Variants in USP32 observed in about 807,000 individuals in gnomAD.
USP32 encodes the protein ubiquitin specific peptidase 32.
A neutral mutation model predicts 204.8 loss-of-function variants in USP32; 59 were observed. The ratio of observed to expected loss-of-function variants is 0.29; its 90% CI spans 0.23 to 0.36. The LOEUF is 0.36. Ranked by LOEUF, USP32 falls within the 10% of genes least tolerant of loss-of-function variation. The pLI is 1.00. For synonymous variants in USP32, 517 were observed against 678.4 expected, an observed-to-expected ratio of 0.76 and a Z score of 3.70; for missense variants, 1,160 against 1,946.4, an observed-to-expected ratio of 0.60 and a Z score of 7.60.
chr17:60,382,338 T>G (rs2146116983), intron 1 of USP32, among the ~76,000 whole-genome samples: 1 of 152,206 alleles, frequency 6.6e-6, no homozygotes, highest in South Asian at 2.1e-4. Context: ...CTCTGCAAAA[T>G]TTAAAAAAAT....
intron 1 of USP32, among the ~76,000 whole-genome samples, chr17:60,362,317 C>G (rs1326967076): frequency 6.6e-6 from 1 of 152,152 alleles, no homozygotes; most frequent in South Asian, 2.1e-4. Context: ...GCTCTTTGTC[C>G]ATGAATCAAC....
intron 5 of USP32, among the ~76,000 whole-genome samples, chr17:60,288,113 CAAAAAAAAAAAAAA>C (rs1045323566): frequency 1.4e-4 from 4 of 29,454 alleles, no homozygotes; most frequent in East Asian, 1.4e-3. Flanking sequence ...GACTTCGTCT[CAAAAAAAAAAAAAA>C]AAAAAAAAAA....
At chr17:60,405,404 C>T (rs922557402) in intron 1 of USP32, among the ~76,000 whole-genome samples, 6 of 151,910 alleles carry the variant, frequency 3.9e-5, no homozygotes, top group South Asian at 2.1e-4. Flanking sequence ...GGGGTTTCAC[C>T]GTGTTGCCCA....
At chr17:60,411,336 T>C (rs568614384) in intron 1 of USP32, among the ~76,000 whole-genome samples, 8 of 146,456 alleles carry the variant, frequency 5.5e-5, no homozygotes, top group African/African-American at 2.0e-4. Context: ...AATAAATAAA[T>C]AAATAAATAA....
intron 2 of USP32, among the ~76,000 whole-genome samples, chr17:60,313,485 A>C (rs796214153): frequency 2.6e-5 from 4 of 152,148 alleles, no homozygotes; most frequent in African/African-American, 9.7e-5. Flanking sequence ...TCCAAAAAAA[A>C]TAAAGGGCCC....
At chr17:60,263,268 G>T (rs1412502640) in intron 9 of USP32, among the ~76,000 whole-genome samples, 1 of 151,998 alleles carries the variant, frequency 6.6e-6, no homozygotes, top group African/African-American at 2.4e-5. Context: ...ACATAGCCCT[G>T]ATCACACTTG....
chr17:60,184,948 G>A (rs1423994488), intron 30 of USP32, among the ~76,000 whole-genome samples: 4 of 152,158 alleles, frequency 2.6e-5, no homozygotes, highest in Non-Finnish European at 5.9e-5. Context: ...CCTAATCCAT[G>A]AAGGGAGAAG....
At chr17:60,226,376 A>G (rs2085388590) in intron 12 of USP32, 145 bp from the exon 13 acceptor site, 1 of 680,608 alleles carries the variant, frequency 1.5e-6, no homozygotes, top group Non-Finnish European at 2.2e-6. Flanking sequence ...ATACATAGCT[A>G]TATTTTAATC....
intron 11 of USP32, among the ~76,000 whole-genome samples, chr17:60,241,333 G>A (rs1056247091): frequency 6.6e-6 from 1 of 152,124 alleles, no homozygotes; most frequent in African/African-American, 2.4e-5. Flanking sequence ...GGTATGTTCT[G>A]CTCTCTCTGA....
At chr17:60,332,151 G>A (rs983098756) in intron 2 of USP32, among the ~76,000 whole-genome samples, 1 of 151,850 alleles carries the variant, frequency 6.6e-6, no homozygotes, top group African/African-American at 2.4e-5. Context: ...CCAGATACTC[G>A]GGAGGCTGAG....
intron 2 of USP32, among the ~76,000 whole-genome samples, chr17:60,342,910 C>T (rs1348407030): frequency 1.3e-5 from 2 of 152,192 alleles, no homozygotes; most frequent in Admixed American, 1.3e-4. Context: ...CCTGCTTCAC[C>T]TCGCCCTCCG....
rs190130725 is a variant in USP32 at position 60,306,121 on chromosome 17, T to C, written c.187-4417A>G. Among the ~76,000 whole-genome samples, 201 of 152,296 alleles carry C rather than the reference T, an allele frequency of 1.3e-3. 1 individual carries two copies. The highest frequency in any genetic ancestry group is 4.5e-3 in the African/African-American group (188 of 41,550). ...GGAAAAAAAAGAACAACTATTTAAA[T>C]GGTCACCTTATAATAGGCAGTCCTT... On this transcript the variant is annotated intron_variant, in intron 2 of 33. Coordinates refer to ENST00000300896, the MANE Select transcript of USP32 (RefSeq NM_032582.4).
intron 18 of USP32, 146 bp from the exon 19 acceptor site, chr17:60,212,244 G>A (rs935857405): frequency 4.4e-6 from 3 of 675,826 alleles, no homozygotes. Flanking sequence ...TTAACGACGA[G>A]GTTATATTCT....
chr17:60,384,334 C>G (rs1356413972), intron 1 of USP32, among the ~76,000 whole-genome samples: 1 of 152,208 alleles, frequency 6.6e-6, no homozygotes, highest in Admixed American at 6.5e-5. Context: ...GGCAACCAAG[C>G]TTCTTTACAG....
At chr17:60,245,322 G>T in intron 11 of USP32, 1 of 350,750 alleles carries the variant, frequency 2.9e-6, no homozygotes, top group Non-Finnish European at 5.6e-6. Flanking sequence ...CATTGGGATT[G>T]GTGACTCTGA....
chr17:60,416,856 TAC>T (rs2090065880), intron 1 of USP32, among the ~76,000 whole-genome samples: 1 of 151,886 alleles, frequency 6.6e-6, no homozygotes, highest in Admixed American at 6.6e-5. Context: ...GGGATATATA[TAC>T]ACACACATGC....
intron 11 of USP32, among the ~76,000 whole-genome samples, chr17:60,239,737 A>C (rs1019708071): frequency 6.6e-6 from 1 of 151,666 alleles, no homozygotes; most frequent in African/African-American, 2.4e-5. Flanking sequence ...TTATTTCTTT[A>C]TTTATTAGTT....
intron 11 of USP32, among the ~76,000 whole-genome samples, chr17:60,251,175 TCAAA>T (rs2086157178): frequency 6.6e-6 from 1 of 151,934 alleles, no homozygotes; most frequent in African/African-American, 2.4e-5. Context: ...ACTCCTGAGC[TCAAA>T]CAATCCACCT....
At chr17:60,342,600 C>A (rs1598266837) in intron 2 of USP32, among the ~76,000 whole-genome samples, 1 of 152,212 alleles carries the variant, frequency 6.6e-6, no homozygotes, top group Admixed American at 6.5e-5. Flanking sequence ...AGCTTCCTGG[C>A]AGCTTTGTTT....
Sources: gnomAD v4.1 joint callset for allele counts (sites outside exome capture counted in the v4.1 genomes callset) on GRCh38, gnomAD v4.1.1 for gene constraint, MANE v1.5 for transcripts, NCBI Gene and HGNC (gene_info 2026-07-23, HGNC 2026-07-21) for gene names.